FOXN2: variants seen among roughly 807,000 people sequenced by gnomAD.
The protein encoded by FOXN2 is forkhead box protein N2.
FOXN2 carries 19 observed loss-of-function variants against 41.2 expected under a neutral mutation model. That is an observed-to-expected ratio of 0.46 (90% CI 0.32 to 0.68). The LOEUF (loss-of-function observed/expected upper bound fraction) is 0.68, where lower values mean the gene tolerates loss of function less well. FOXN2 is among the 30% of genes least tolerant of loss of function. The probability of loss-of-function intolerance (pLI) is 0.03; values close to 1 mark genes in which losing one functional copy is unlikely to be tolerated. For synonymous variants in FOXN2, 195 were observed against 176.8 expected, an observed-to-expected ratio of 1.10 and a Z score of -0.82; for missense variants, 587 against 509.4, an observed-to-expected ratio of 1.15 and a Z score of -1.47.
intron 5 of FOXN2, among the ~76,000 whole-genome samples, chr2:48,366,234 C>T (rs1464711184): frequency 1.3e-5 from 2 of 151,890 alleles, no homozygotes; most frequent in Non-Finnish European, 2.9e-5. Flanking sequence ...TGGCACACGC[C>T]TGTAATTCCA....
intron 1 of FOXN2, among the ~76,000 whole-genome samples, chr2:48,319,572 T>G (rs913168855): frequency 4.0e-5 from 6 of 151,726 alleles, no homozygotes; most frequent in Non-Finnish European, 8.8e-5. Context: ...TAATACACTT[T>G]AAATTGTATA....
chr2:48,315,083 C>T (rs1430917988), intron 1 of FOXN2, among the ~76,000 whole-genome samples: 31 of 152,000 alleles, frequency 2.0e-4, no homozygotes, highest in Non-Finnish European at 1.5e-4. Flanking sequence ...GGAGTTTTTC[C>T]TGAGAGGTAA....
chr2:48,328,172 A>C (rs1669804287), intron 1 of FOXN2, among the ~76,000 whole-genome samples: 1 of 152,226 alleles, frequency 6.6e-6, no homozygotes, highest in Non-Finnish European at 1.5e-5. Flanking sequence ...TTCAAATGCC[A>C]ACCAGATTTG....
chr2:48,342,505 G>C (rs1023829320), intron 2 of FOXN2, among the ~76,000 whole-genome samples: 1 of 151,908 alleles, frequency 6.6e-6, no homozygotes, highest in Non-Finnish European at 1.5e-5. Context: ...TTTCCATTTA[G>C]CTTTCCGAAA....
At chr2:48,315,645 A>G (rs1668860075) in intron 1 of FOXN2, among the ~76,000 whole-genome samples, 1 of 152,066 alleles carries the variant, frequency 6.6e-6, no homozygotes, top group Non-Finnish European at 1.5e-5. Flanking sequence ...CCTGTGTGGA[A>G]CCCGGCAGGA....
intron 1 of FOXN2, among the ~76,000 whole-genome samples, chr2:48,322,901 T>C (rs970248304): frequency 1.3e-5 from 2 of 150,750 alleles, no homozygotes; most frequent in African/African-American, 2.4e-5. Flanking sequence ...GTTATTTTAT[T>C]GTTTCTTTTT....
chr2:48,363,174 G>A (rs867856657), intron 5 of FOXN2, among the ~76,000 whole-genome samples: 1 of 152,190 alleles, frequency 6.6e-6, no homozygotes, highest in African/African-American at 2.4e-5. Flanking sequence ...GGACAAAAAT[G>A]TAGAGGCAGA....
intron 2 of FOXN2, among the ~76,000 whole-genome samples, chr2:48,331,064 C>G (rs570579479): frequency 2.2e-4 from 33 of 152,164 alleles, no homozygotes; most frequent in Admixed American, 7.8e-4. Flanking sequence ...TGTAGTAAAG[C>G]TTATTAGAAA....
intron 3 of FOXN2, among the ~76,000 whole-genome samples, chr2:48,351,593 A>C (rs1671451672): frequency 1.3e-5 from 2 of 152,146 alleles, no homozygotes; most frequent in Non-Finnish European, 2.9e-5. Flanking sequence ...ACCTCAGATC[A>C]TCAGGCATTA....
At chr2:48,315,979 G>T (rs1668887687) in intron 1 of FOXN2, among the ~76,000 whole-genome samples, 1 of 152,192 alleles carries the variant, frequency 6.6e-6, no homozygotes, top group Non-Finnish European at 1.5e-5. Flanking sequence ...GTATTTACAG[G>T]TTAGTTGAAG....
chr2:48,313,952 C>A (rs934628966), upstream of FOXN2, among the ~76,000 whole-genome samples: 2 of 152,218 alleles, frequency 1.3e-5, no homozygotes, highest in East Asian at 3.8e-4. Context: ...ATGGATATGA[C>A]AATGGATGTG....
At chr2:48,320,783 T>G (rs1323849049) in intron 1 of FOXN2, among the ~76,000 whole-genome samples, 1 of 152,212 alleles carries the variant, frequency 6.6e-6, no homozygotes, top group Non-Finnish European at 1.5e-5. Flanking sequence ...TCTTGATCTG[T>G]TCCTAAGGAG....
rs1285079149 is a variant in FOXN2, at chr2:48,376,837, A to C, written c.*1394A>C. 6.6e-6 allele frequency: 1 copy of C among 152,480 alleles called. No individual in the cohort carries two copies. Among genetic ancestry groups the C allele is most frequent in the Non-Finnish European group, 1.5e-5 (1 of 67,914 alleles). 9.4% of individuals were successfully genotyped at this position (152,480 alleles called of 1,614,324 possible). On this transcript the variant is annotated 3_prime_UTR_variant, in exon 7 of 7. Coordinates refer to ENST00000340553, the MANE Select transcript of FOXN2 (RefSeq NM_002158.4). ...AGTCTTATGCTACATCCTAAGTCAT[A>C]GACAATGACCTTGTTTTCATTATTC...
chr2:48,359,767 C>G (rs1376976780), intron 4 of FOXN2, among the ~76,000 whole-genome samples: 2 of 151,934 alleles, frequency 1.3e-5, no homozygotes, highest in African/African-American at 4.8e-5. Flanking sequence ...TAAGTAAACC[C>G]TAAAGAAAGT....
rs1219540243 is a variant in FOXN2 at position 48,375,588 on chromosome 2, A to C, written c.*145A>C. 1.3e-6 allele frequency: 1 copy of C among 782,680 alleles called. No individual in the cohort carries two copies. The highest frequency in any genetic ancestry group is 2.0e-6 in the Non-Finnish European group (1 of 508,460). 48.5% of individuals were successfully genotyped at this position (782,680 alleles called of 1,614,324 possible). On this transcript the variant is annotated 3_prime_UTR_variant, in exon 7 of 7. Transcript: ENST00000340553. ...ACATTTTTGGTTTTTGGTTTTTAAA[A>C]TTTTTATTAAACAATTGCTGTTAGG...
chr2:48,324,715 C>T (rs1318228866), intron 1 of FOXN2, among the ~76,000 whole-genome samples: 4 of 152,146 alleles, frequency 2.6e-5, no homozygotes, highest in Non-Finnish European at 4.4e-5. Context: ...GTTAACGATA[C>T]TTTTGACTTG....
chr2:48,374,115 T>G (rs1180945309), intron 6 of FOXN2, among the ~76,000 whole-genome samples: 2 of 150,562 alleles, frequency 1.3e-5, no homozygotes, highest in Non-Finnish European at 3.0e-5. Flanking sequence ...CTAAGAAAAG[T>G]GACATAAAAT....
intron 3 of FOXN2, among the ~76,000 whole-genome samples, chr2:48,349,520 T>C (rs945423966): frequency 5.9e-5 from 9 of 152,110 alleles, no homozygotes; most frequent in African/African-American, 2.2e-4. Context: ...ATACCTGTAA[T>C]CCCAGCCCTT....
At chr2:48,362,611 T>A (rs371449189) in intron 4 of FOXN2, 32 bp from the exon 5 acceptor site, 1 of 1,587,056 alleles carries the variant, frequency 6.3e-7, no homozygotes, top group African/African-American at 1.3e-5. Context: ...AACATTTTTA[T>A]AAGCATATTT....
Sources: gnomAD v4.1 joint callset for allele counts (sites outside exome capture counted in the v4.1 genomes callset) on GRCh38, gnomAD v4.1.1 for gene constraint, MANE v1.5 for transcripts, NCBI Gene and HGNC (gene_info 2026-07-23, HGNC 2026-07-21) for gene names.